Variants in MAN2A1 observed in about 807,000 individuals in gnomAD.
MAN2A1 encodes the protein alpha-mannosidase 2.
In MAN2A1, 76 loss-of-function variants were observed where a neutral mutation model predicts 142.6. The ratio of observed to expected loss-of-function variants is 0.53; its 90% CI spans 0.44 to 0.65. The LOEUF (loss-of-function observed/expected upper bound fraction) is 0.65. MAN2A1 is among the 30% of genes least tolerant of loss of function. MAN2A1 has a pLI of 0.00. For missense variants in MAN2A1, 1,311 were observed against 1,365.1 expected (o/e 0.96, Z 0.62); for synonymous variants, 559 against 473.2 (o/e 1.18, Z -2.35).
rs1216873727 is a variant in MAN2A1, at chr5:109,868,745, G to GA, written c.*1753dup. On this transcript the variant is annotated 3_prime_UTR_variant, in exon 22 of 22. Coordinates refer to ENST00000261483, the MANE Select transcript of MAN2A1 (RefSeq NM_002372.4). ...GTAAGTTTTCTTCCACATATTTTGG[G>GA]AAAAAACTAAAAAAAGAAAAAGGAC... 2.6e-5 allele frequency: 4 copies of GA among 151,920 alleles called. No individual in the cohort carries two copies. Among genetic ancestry groups the GA allele is most frequent in the African/African-American group, 9.7e-5 (4 of 41,346 alleles). The allele number at this position is 151,920 out of a possible 1,614,324, so 9.4% of individuals were successfully genotyped here.
intron 7 of MAN2A1, among the ~76,000 whole-genome samples, chr5:109,773,606 TA>T (rs1265141547): frequency 2.6e-5 from 4 of 152,146 alleles, no homozygotes; most frequent in Non-Finnish European, 5.9e-5. Flanking sequence ...GTCAGAAAAC[TA>T]AGCATTATAT....
rs148498372 is a variant in MAN2A1 at position 109,756,489 on chromosome 5, T to C, written c.835+1033T>C. Among the ~76,000 whole-genome samples the C allele has an allele frequency of 6.4e-3, 970 of 152,304 alleles. 12 individuals are homozygous for C. The highest frequency in any genetic ancestry group is 0.022 in the African/African-American group (920 of 41,564). ...TTAGAGATAAAATTCTTAATCCCTA[T>C]TTTTTCTTTACTTTTTATTTTGAGA... On this transcript the variant is annotated intron_variant, in intron 5 of 21. Coordinates refer to ENST00000261483, the MANE Select transcript of MAN2A1 (RefSeq NM_002372.4).
At chr5:109,740,293 C>T (rs1470091299) in intron 4 of MAN2A1, among the ~76,000 whole-genome samples, 1 of 152,168 alleles carries the variant, frequency 6.6e-6, no homozygotes, top group East Asian at 1.9e-4. Context: ...AAGAGAGGAG[C>T]TGGGGCTATG....
rs1484989743 is a variant in MAN2A1, at chr5:109,819,763, T to C, written c.2204T>C (p.Leu735Ser). Residue 735 changes from leucine (L) to serine (S), a missense_variant, in exon 14 of 22, where the codon TTG (leucine) becomes TCG (serine). By Grantham distance (145) the Leu-to-Ser change is moderately radical. Transcript: ENST00000261483. ...SSNSHLADYV[L>S]YKNKVEDSGI... ...AATTCACATTTAGCTGATTATGTCT[T>C]GTATAAGAATAAAGTAGAAGATAGC... The C allele has an allele frequency of 1.2e-6, 2 of 1,611,312 alleles. No individual in the cohort carries two copies. The highest frequency in any genetic ancestry group is 3.3e-5 in the Admixed American group (2 of 59,868).
chr5:109,763,143 A>G (rs1430778106), intron 5 of MAN2A1, among the ~76,000 whole-genome samples: 1 of 152,234 alleles, frequency 6.6e-6, no homozygotes, highest in Non-Finnish European at 1.5e-5. Context: ...AAACTGGTAC[A>G]TATTCAAGTT....
chr5:109,713,829 A>C, intron 2 of MAN2A1, 55 bp downstream of exon 2: 1 of 1,503,050 alleles, frequency 6.7e-7, no homozygotes, highest in Admixed American at 2.0e-5. Flanking sequence ...TGTTCTTTTT[A>C]AGATTTGACC....
At chr5:109,736,046 T>G (rs1664255205) in intron 4 of MAN2A1, among the ~76,000 whole-genome samples, 1 of 151,930 alleles carries the variant, frequency 6.6e-6, no homozygotes, top group South Asian at 2.1e-4. Flanking sequence ...GGAACCAGAG[T>G]TGTCAGGATA....
chr5:109,804,502 G>A (rs1329287240), intron 12 of MAN2A1, among the ~76,000 whole-genome samples: 1 of 152,040 alleles, frequency 6.6e-6, no homozygotes, highest in Non-Finnish European at 1.5e-5. Flanking sequence ...TCTTTGAAAT[G>A]TGTTCTTTTA....
intron 5 of MAN2A1, among the ~76,000 whole-genome samples, chr5:109,760,235 G>A (rs1752806379): frequency 1.3e-5 from 2 of 152,102 alleles, no homozygotes; most frequent in South Asian, 2.1e-4. Flanking sequence ...AACATGCGGT[G>A]TTTGGTTTTC....
At chr5:109,729,219 A>T in intron 3 of MAN2A1, 123 bp from the exon 4 acceptor site, 2 of 564,078 alleles carry the variant, frequency 3.5e-6, no homozygotes, top group Non-Finnish European at 6.0e-6. Context: ...ACACCTGTTA[A>T]ATTTAAAAAT....
chr5:109,744,645 A>C (rs1218894202), intron 4 of MAN2A1, among the ~76,000 whole-genome samples: 1 of 152,222 alleles, frequency 6.6e-6, no homozygotes, highest in East Asian at 1.9e-4. Context: ...GTGTAGCAAC[A>C]GAAACTCATA....
intron 20 of MAN2A1, among the ~76,000 whole-genome samples, chr5:109,861,452 T>G (rs1381696898): frequency 6.6e-6 from 1 of 152,198 alleles, no homozygotes; most frequent in African/African-American, 2.4e-5. Context: ...ATGGCAAAGC[T>G]ACAATTACTT....
chr5:109,735,500 G>C (rs12655571), intron 4 of MAN2A1, among the ~76,000 whole-genome samples: 1 of 152,178 alleles, frequency 6.6e-6, no homozygotes, highest in East Asian at 1.9e-4. Flanking sequence ...TGATTTTGCA[G>C]TGGCTGGTAC....
intron 19 of MAN2A1, among the ~76,000 whole-genome samples, chr5:109,849,200 C>G (rs1370505186): frequency 6.6e-6 from 1 of 152,006 alleles, no homozygotes; most frequent in African/African-American, 2.4e-5. Flanking sequence ...TTCTCCTTTT[C>G]TTATTTTTTA....
In MAN2A1 at chr5:109,690,227, C is replaced by T. The variant is rs1247346780; in HGVS notation, c.-191C>T. ...CCCCGGGGAGGGCGGCAGGCCAGGG[C>T]GAAGGCCAAGGGCGTGTGGTGGCGC... is the stretch of plus-strand genomic sequence containing the variant. On this transcript the variant is annotated 5_prime_UTR_variant, in exon 1 of 22. Coordinates refer to ENST00000261483, the MANE Select transcript of MAN2A1 (RefSeq NM_002372.4). The T allele has an allele frequency of 6.8e-6, 4 of 591,678 alleles. No individual in the cohort carries two copies. Among genetic ancestry groups the T allele is most frequent in the African/African-American group, 5.6e-5 (3 of 53,460 alleles). The allele number at this position is 591,678 out of a possible 1,614,324, so 36.7% of individuals were successfully genotyped here. A position where few individuals can be genotyped will look rare whatever the true frequency, so the allele number is the denominator to read the frequency against.
rs747485847 is a variant in MAN2A1 at position 109,774,845 on chromosome 5, T to A, written c.1254T>A (p.Val418=). 1.2e-6 allele frequency: 2 copies of A among 1,613,220 alleles called. No homozygotes were observed. The highest frequency in any genetic ancestry group is 1.7e-6 in the Non-Finnish European group (2 of 1,179,626). The part of the protein sequence containing the change: ...RKKSKLFRTK[V]LLAPLGDDFR... Reference sequence around the variant, plus strand: ...AGTCAAAGCTTTTTCGTACCAAAGTTCTCCTGGCTCCACTAGGAGATGATT... The same window carrying A: ...AGTCAAAGCTTTTTCGTACCAAAGTACTCCTGGCTCCACTAGGAGATGATT... The change falls in exon 8 of 22, where the codon GTT becomes GTA. Residue 418 remains valine, a synonymous_variant. Transcript: ENST00000261483.
chr5:109,711,715 T>C (rs999638428), intron 1 of MAN2A1, among the ~76,000 whole-genome samples: 3 of 152,206 alleles, frequency 2.0e-5, no homozygotes, highest in African/African-American at 7.2e-5. Flanking sequence ...AGTTGTAAAG[T>C]GATGTGTGCT....
At chr5:109,824,718 T>C (rs1245047282) in intron 16 of MAN2A1, among the ~76,000 whole-genome samples, 1 of 152,170 alleles carries the variant, frequency 6.6e-6, no homozygotes, top group African/African-American at 2.4e-5. Flanking sequence ...AATGTATAGG[T>C]AGGCACGGTT....
At chr5:109,804,772 A>C (rs1440356488) in intron 12 of MAN2A1, among the ~76,000 whole-genome samples, 2 of 152,192 alleles carry the variant, frequency 1.3e-5, no homozygotes, top group Non-Finnish European at 2.9e-5. Flanking sequence ...TGGAAACCTC[A>C]CACAGGATAG....
Sources: gnomAD v4.1 joint callset for allele counts (sites outside exome capture counted in the v4.1 genomes callset) on GRCh38, gnomAD v4.1.1 for gene constraint, MANE v1.5 for transcripts, NCBI Gene and HGNC (gene_info 2026-07-23, HGNC 2026-07-21) for gene names.